Variants in TCF20 observed in about 807,000 individuals in gnomAD.
TCF20 encodes SPRE-binding protein.
Under a neutral mutation model 148.6 loss-of-function variants are expected in TCF20, and 3 were observed. The observed-to-expected ratio is 0.02, with a 90% CI of 0.01 to 0.05. The LOEUF (loss-of-function observed/expected upper bound fraction) is 0.05, where lower values mean the gene tolerates loss of function less well. TCF20 is among the 10% of genes least tolerant of loss of function. TCF20 has a pLI of 1.00. For missense variants in TCF20, 2,350 were observed against 2,429.3 expected (o/e 0.97, Z 0.69); for synonymous variants, 1,049 against 909.5 (o/e 1.15, Z -2.76).
chr22:42,333,494 CAGA>C, intron 1 of TCF20, among the ~76,000 whole-genome samples: 1 of 152,398 alleles, frequency 6.6e-6, no homozygotes, highest in East Asian at 1.9e-4. Context: ...GCAAGTCACA[CAGA>C]AGCAGAAAAG....
At chr22:42,286,862 C>T (rs537878601), upstream of TCF20, among the ~76,000 whole-genome samples, 53 of 152,302 alleles carry the variant, frequency 3.5e-4, no homozygotes, top group Non-Finnish European at 7.5e-4. Flanking sequence ...GATGTGGGTT[C>T]CCATCAGTCC....
chr22:42,332,596 C>T (rs1288470063), intron 1 of TCF20, among the ~76,000 whole-genome samples: 3 of 152,092 alleles, frequency 2.0e-5, no homozygotes, highest in South Asian at 4.1e-4. Context: ...CTCCGCCTCC[C>T]GGGCTCAAGC....
At chr22:42,269,232 C>T (rs921630749) in intron 1 of TCF20, among the ~76,000 whole-genome samples, 2 of 152,090 alleles carry the variant, frequency 1.3e-5, no homozygotes, top group Non-Finnish European at 2.9e-5. Flanking sequence ...AAAGATCAGC[C>T]TGTTAGATAA....
chr22:42,272,144 C>G (rs755077294), upstream of TCF20, among the ~76,000 whole-genome samples: 1 of 152,210 alleles, frequency 6.6e-6, no homozygotes, highest in Non-Finnish European at 1.5e-5. Flanking sequence ...CAGGCTCTTC[C>G]GGGGCAGAGC....
chr22:42,201,754 G>A (rs548660268), intron 2 of TCF20, among the ~76,000 whole-genome samples: 3 of 151,452 alleles, frequency 2.0e-5, no homozygotes, highest in Admixed American at 6.6e-5. Context: ...GGGGATAGAG[G>A]AAGACTCAGT....
rs184803476 is a variant in TCF20, at chr22:42,330,413, G to A, written c.-37+13066C>T. ...CCCCCACCTCAGGGCCTTTGTACAC[G>A]CTGTTCCTCCTGCCTGCAACACTCT... On this transcript the variant is annotated intron_variant, in intron 1 of 1. Transcript: ENST00000515426. Among the ~76,000 whole-genome samples the A allele has an allele frequency of 1.5e-3, 233 of 152,028 alleles. 2 individuals carry two copies. The highest frequency in any genetic ancestry group is 5.3e-3 in the African/African-American group (221 of 41,430).
intron 1 of TCF20, among the ~76,000 whole-genome samples, chr22:42,242,227 A>AAAAGAAAAAAAAAAAAAAAAAAAAAAAAT (rs1491280192): frequency 8.1e-6 from 1 of 122,704 alleles, no homozygotes; most frequent in Non-Finnish European, 1.7e-5. Flanking sequence ...AAAAAAAAAA[A>AAAAGAAAAAAAAAAAAAAAAAAAAAAAAT]CAGAAAAGAA....
chr22:42,254,800 A>G (rs1431052993), intron 1 of TCF20, among the ~76,000 whole-genome samples: 1 of 152,106 alleles, frequency 6.6e-6, no homozygotes, highest in Non-Finnish European at 1.5e-5. Flanking sequence ...CCCCGTCTCT[A>G]CTAAAAATAC....
chr22:42,270,700 CGGCGCGCG>C (rs1217693857), upstream of TCF20, among the ~76,000 whole-genome samples: 1 of 114,808 alleles, frequency 8.7e-6, no homozygotes, highest in Non-Finnish European at 1.8e-5. Context: ...CTCCGGGCCG[CGGCGCGCG>C]GGCGGGCGGG....
At chr22:42,220,294 A>C (rs992863885) in intron 1 of TCF20, among the ~76,000 whole-genome samples, 1 of 152,132 alleles carries the variant, frequency 6.6e-6, no homozygotes, top group African/African-American at 2.4e-5. Flanking sequence ...CAGCCTCCCA[A>C]GTAGCTGGGA....
At chr22:42,258,321 C>G (rs17478227) in intron 1 of TCF20, among the ~76,000 whole-genome samples, 19,012 of 152,084 alleles carry the variant, frequency 0.13, 1,634 homozygotes, top group Non-Finnish European at 0.19. Context: ...TCCTTACATT[C>G]CTGCCCCATG....
intron 1 of TCF20, among the ~76,000 whole-genome samples, chr22:42,262,265 A>G (rs1259197317): frequency 6.6e-6 from 1 of 152,182 alleles, no homozygotes; most frequent in Non-Finnish European, 1.5e-5. Context: ...GGCCATCATC[A>G]TGTTCCAGGT....
chr22:42,165,519 AG>A (rs1247977625), intron 5 of TCF20, among the ~76,000 whole-genome samples: 1 of 152,260 alleles, frequency 6.6e-6, no homozygotes, highest in Non-Finnish European at 1.5e-5. Flanking sequence ...CTTGGCACAA[AG>A]AGACAGTGGG....
chr22:42,298,692 G>A (rs1401738168), intron 1 of TCF20, among the ~76,000 whole-genome samples: 1 of 152,240 alleles, frequency 6.6e-6, no homozygotes, highest in Non-Finnish European at 1.5e-5. Context: ...CCTACCAGCT[G>A]GCATGGTCGC....
At chr22:42,172,297 C>T (rs770633439) in intron 3 of TCF20, among the ~76,000 whole-genome samples, 1 of 152,178 alleles carries the variant, frequency 6.6e-6, no homozygotes, top group Non-Finnish European at 1.5e-5. Flanking sequence ...CCAGTCCCTG[C>T]TGGGAGGGAA....
chr22:42,202,883 C>T (rs890414342), intron 2 of TCF20, among the ~76,000 whole-genome samples: 2 of 152,168 alleles, frequency 1.3e-5, no homozygotes, highest in African/African-American at 4.8e-5. Context: ...AGCTAAGGGG[C>T]CGAGGCTGAG....
chr22:42,256,916 T>C (rs1475833277), intron 1 of TCF20, among the ~76,000 whole-genome samples: 2 of 152,190 alleles, frequency 1.3e-5, no homozygotes, highest in African/African-American at 4.8e-5. Context: ...CCCAGCACTT[T>C]GGAAGGCCTA....
intron 1 of TCF20, among the ~76,000 whole-genome samples, chr22:42,309,222 G>C (rs1049397468): frequency 6.6e-6 from 1 of 152,134 alleles, no homozygotes; most frequent in African/African-American, 2.4e-5. Context: ...CTTCCCCAGA[G>C]ATTTACAGAC....
chr22:42,229,660 C>A (rs1923222322), intron 1 of TCF20, among the ~76,000 whole-genome samples: 1 of 152,180 alleles, frequency 6.6e-6, no homozygotes, highest in South Asian at 2.1e-4. Flanking sequence ...CCCACCACTC[C>A]ACACAGACCA....
Sources: allele counts gnomAD v4.1 joint callset (sites outside exome capture counted in the v4.1 genomes callset), GRCh38; gene constraint gnomAD v4.1.1; transcripts MANE v1.5; gene names NCBI Gene and HGNC (gene_info 2026-07-23, HGNC 2026-07-21).